The following TRIP11 variants were observed in gnomAD, a reference collection of about 807,000 sequenced individuals.
TRIP11 encodes the protein thyroid receptor-interacting protein 11.
A neutral mutation model predicts 223.1 loss-of-function variants in TRIP11; 148 were observed. The observed-to-expected ratio is 0.66, with a 90% confidence interval of 0.58 to 0.76. TRIP11 has a LOEUF of 0.76. Among genes scored for constraint, TRIP11 ranks in the 30% least tolerant of loss-of-function variants. TRIP11 has a pLI of 0.00. For missense variants in TRIP11, 2,043 were observed against 2,222.0 expected (o/e 0.92, Z 1.62); for synonymous variants, 762 against 772.6 (o/e 0.99, Z 0.23).
At chr14:92,011,944 T>C in intron 7 of TRIP11, 149 bp from the exon 8 acceptor site, 1 of 683,214 alleles carries the variant, frequency 1.5e-6, no homozygotes, top group Admixed American at 2.4e-5. Flanking sequence ...ATATTTGTAT[T>C]CCTGTTTTGT....
chr14:91,987,740 G>A (rs1294876141), intron 16 of TRIP11, among the ~76,000 whole-genome samples: 2 of 152,144 alleles, frequency 1.3e-5, no homozygotes, highest in Admixed American at 1.3e-4. Flanking sequence ...CCTGATCACT[G>A]AACCAATTAA....
At chr14:91,994,221 T>C in intron 14 of TRIP11, among the ~76,000 whole-genome samples, 1 of 151,572 alleles carries the variant, frequency 6.6e-6, no homozygotes, top group East Asian at 1.9e-4. Flanking sequence ...ATACCCACTC[T>C]AATAATTACA....
intron 3 of TRIP11, 112 bp downstream of exon 3, chr14:92,025,198 C>A: frequency 2.5e-6 from 2 of 807,136 alleles, no homozygotes; most frequent in South Asian, 1.6e-5. Flanking sequence ...AAATTCATCA[C>A]CTTTTCATAT....
At chr14:91,991,641 GA>G (rs1282676042) in intron 15 of TRIP11, among the ~76,000 whole-genome samples, 1 of 152,162 alleles carries the variant, frequency 6.6e-6, no homozygotes, top group Non-Finnish European at 1.5e-5. Context: ...TGTATGTTTA[GA>G]AGATATCTGA....
At chr14:91,979,033 T>C (rs922154730) in intron 16 of TRIP11, among the ~76,000 whole-genome samples, 29 of 152,006 alleles carry the variant, frequency 1.9e-4, no homozygotes, top group African/African-American at 7.0e-4. Context: ...GAGGTAAGCA[T>C]ATTGCTTGAG....
chr14:91,972,379 A>T (rs1243345575), intron 20 of TRIP11, among the ~76,000 whole-genome samples: 1 of 152,264 alleles, frequency 6.6e-6, no homozygotes, highest in Non-Finnish European at 1.5e-5. Flanking sequence ...AAAGCAAAGC[A>T]GGTGGCCAAG....
chr14:92,000,192 A>C, intron 11 of TRIP11, 84 bp from the exon 12 acceptor site: 1 of 1,580,654 alleles, frequency 6.3e-7, no homozygotes, highest in Non-Finnish European at 8.6e-7. Context: ...TCAATTATTA[A>C]TTCATTTAAT....
chr14:92,027,862 C>G (rs2140143327), intron 2 of TRIP11, among the ~76,000 whole-genome samples: 1 of 152,246 alleles, frequency 6.6e-6, no homozygotes, highest in Admixed American at 6.5e-5. Flanking sequence ...CATAAATTCC[C>G]AGAGAAAACC....
At chr14:92,039,338 AG>A (rs2140155787) in intron 1 of TRIP11, among the ~76,000 whole-genome samples, 1 of 152,312 alleles carries the variant, frequency 6.6e-6, no homozygotes, top group Non-Finnish European at 1.5e-5. Context: ...ATTTAAAGAG[AG>A]GAGAACCAGG....
chr14:91,994,287 G>A (rs1202271485), intron 14 of TRIP11, among the ~76,000 whole-genome samples: 6 of 138,688 alleles, frequency 4.3e-5, no homozygotes, highest in Non-Finnish European at 9.1e-5. Flanking sequence ...TTGAGACAGA[G>A]TCTCACTCTG....
Position 91,972,769 on chromosome 14 carries a change from C to A in TRIP11, c.5667G>T (p.Leu1889=). 6.2e-7 allele frequency: 1 copy of A among 1,612,944 alleles called. No individual in the cohort carries two copies. The highest frequency in any genetic ancestry group is 8.5e-7 in the Non-Finnish European group (1 of 1,179,620). The part of the protein sequence containing the change: ...PKLSVHDMKP[L]DSPGRRKRDT... ...CTCTTTTTCTTCTTCCTGGTGAATCCAGAGGTTTCATATCATGAACAGAAA... is the reference window on the plus strand; with the variant it reads ...CTCTTTTTCTTCTTCCTGGTGAATCAAGAGGTTTCATATCATGAACAGAAA... Residue 1889 remains leucine (L), a synonymous_variant, in exon 20 of 21, where the codon CTG becomes CTT. Transcript: ENST00000267622.
intron 1 of TRIP11, among the ~76,000 whole-genome samples, chr14:92,036,126 T>C (rs2057322949): frequency 6.6e-6 from 1 of 152,186 alleles, no homozygotes; most frequent in African/African-American, 2.4e-5. Flanking sequence ...TAATTGCTAC[T>C]CTGAAGAGGA....
chr14:92,026,812 C>G lies in TRIP11; in HGVS notation c.202-1392G>C, dbSNP rs979093138. On this transcript the variant is annotated intron_variant, in intron 2 of 20. Coordinates refer to ENST00000267622, the MANE Select transcript of TRIP11 (RefSeq NM_004239.4). ...AAGATGAGGAAGCTGAGTCAGCTAC[C>G]GGCAAGTGGGCAGCTGAAGATGATG... The G allele has an allele frequency of 2.9e-5, 39 of 1,356,476 alleles. No individual in the cohort carries two copies. In the African/African-American group the frequency reaches 4.7e-4, roughly 16 times the overall value. The allele number at this position is 1,356,476 out of a possible 1,614,324, so 84.0% of individuals were successfully genotyped here. A position where few individuals can be genotyped will look rare whatever the true frequency, so the allele number is the denominator to read the frequency against.
chr14:92,004,686 T>C lies in TRIP11; in HGVS notation c.3290A>G (p.Glu1097Gly), dbSNP rs778834825. The C allele has an allele frequency of 6.2e-7, 1 of 1,614,144 alleles. No homozygotes were observed. Among genetic ancestry groups the C allele is most frequent in the Non-Finnish European group, 8.5e-7 (1 of 1,180,016 alleles). ...CAAAACAGCAAATACCTTTTCTCTT[T>C]CCATAGCATAAGCCTGCAGTTGCTG... Reference protein sequence around the residue: ...LQQQLQAYAMEREKVFAVLNE... With the variant: ...LQQQLQAYAMGREKVFAVLNE... Residue 1097 changes from glutamate (E) to glycine (G), a missense_variant, in exon 11 of 21, where the codon GAA (glutamate) becomes GGA (glycine). Physicochemically the swap from Glu to Gly is moderately conservative, Grantham distance 98 (BLOSUM62 -2). Coordinates refer to ENST00000267622, the MANE Select transcript of TRIP11 (RefSeq NM_004239.4).
Position 92,015,445 on chromosome 14 carries a change from G to C in TRIP11, c.823+251C>G, listed in dbSNP as rs1478794756. 3.3e-5 allele frequency among the ~76,000 whole-genome samples: 5 copies of C among 152,016 alleles called. No homozygotes were observed. The East Asian group carries it at 9.7e-4, about 30-fold the overall frequency. On this transcript the variant is annotated intron_variant, in intron 6 of 20. Coordinates refer to ENST00000267622, the MANE Select transcript of TRIP11 (RefSeq NM_004239.4). Reference sequence around the variant, plus strand: ...AGGCCGAGGTGGGTGGACCACCCGAGATCACGAGTTTGGGACCAGCCTGGC... The same window carrying C: ...AGGCCGAGGTGGGTGGACCACCCGACATCACGAGTTTGGGACCAGCCTGGC...
Position 92,005,937 on chromosome 14 carries a change from T to C in TRIP11, c.2039A>G (p.Glu680Gly). 1 of 1,613,562 alleles carries C rather than the reference T, an allele frequency of 6.2e-7. No homozygotes were observed. Among genetic ancestry groups the C allele is most frequent in the Non-Finnish European group, 8.5e-7 (1 of 1,179,948 alleles). Residue 680 changes from glutamate to glycine, a missense_variant, in exon 11 of 21, where the codon GAA (glutamate) becomes GGA (glycine). Coordinates refer to ENST00000267622, the MANE Select transcript of TRIP11 (RefSeq NM_004239.4). The part of the protein sequence containing the change: ...KVAFDVKMEN[E>G]KLVLACEDVR... Reference sequence around the variant, plus strand: ...ATCTTCACATGCTAAAACTAACTTTTCATTTTCCATTTTGACATCAAAAGC... The same window carrying C: ...ATCTTCACATGCTAAAACTAACTTTCCATTTTCCATTTTGACATCAAAAGC...
Position 91,972,791 on chromosome 14 carries a change from G to T in TRIP11, c.5645C>A (p.Ser1882Tyr), listed in dbSNP as rs371689436. 19 of 1,613,194 alleles carry T rather than the reference G, an allele frequency of 1.2e-5. No individual in the cohort carries two copies. The highest frequency in any genetic ancestry group is 2.7e-5 in the African/African-American group (2 of 74,852). The change falls in exon 20 of 21, where the codon TCT (serine) becomes TAT (tyrosine). Residue 1882 changes from serine (S) to tyrosine (Y), a missense_variant. Physicochemically the swap from Ser to Tyr is moderately radical, Grantham distance 144. Transcript: ENST00000267622. ...ATCCAGAGGTTTCATATCATGAACA[G>T]AAAGCTTTGGTGGTGGAATGGATGG... ...SHPSIPPPKL[S>Y]VHDMKPLDSP...
intron 2 of TRIP11, among the ~76,000 whole-genome samples, chr14:92,028,347 C>T (rs1163536529): frequency 1.3e-5 from 2 of 151,964 alleles, no homozygotes; most frequent in East Asian, 1.9e-4. Flanking sequence ...ATCACTTGAG[C>T]CCAGGAGTTC....
Position 92,015,748 on chromosome 14 carries a change from T to C in TRIP11, c.771A>G (p.Glu257=), listed in dbSNP as rs763168471. The change falls in exon 6 of 21, where the codon GAA becomes GAG. Residue 257 remains glutamate, a synonymous_variant. Transcript: ENST00000267622. Reference sequence around the variant, plus strand: ...CAATTCGTTCTTCATAGTCACTTAATTCTTCTCGATGTCGTCGACTTATTT... The same window carrying C: ...CAATTCGTTCTTCATAGTCACTTAACTCTTCTCGATGTCGTCGACTTATTT... The part of the protein sequence containing the change: ...LTEISRRHRE[E]LSDYEERIEE... 1 of 1,613,490 alleles carries C rather than the reference T, an allele frequency of 6.2e-7. No individual in the cohort carries two copies. Among genetic ancestry groups the C allele is most frequent in the Non-Finnish European group, 8.5e-7 (1 of 1,179,776 alleles).
Sources: allele counts gnomAD v4.1 joint callset (sites outside exome capture counted in the v4.1 genomes callset), GRCh38; gene constraint gnomAD v4.1.1; transcripts MANE v1.5; gene names NCBI Gene and HGNC (gene_info 2026-07-23, HGNC 2026-07-21).